Variants in MYO9A observed in about 807,000 individuals in gnomAD.
MYO9A encodes the protein myosin IXA.
MYO9A carries 103 observed loss-of-function variants against 293.3 expected under a neutral mutation model. The ratio of observed to expected loss-of-function variants is 0.35; its 90% CI spans 0.30 to 0.41. The LOEUF (loss-of-function observed/expected upper bound fraction) is 0.41. Ranked by LOEUF, MYO9A falls within the 10% of genes least tolerant of loss-of-function variation. The pLI is 1.00. For missense variants in MYO9A, 2,685 were observed against 3,033.0 expected, an observed-to-expected ratio of 0.89 and a Z score of 2.69; for synonymous variants, 1,001 against 1,035.7, an observed-to-expected ratio of 0.97 and a Z score of 0.64.
At chr15:72,067,100 TATA>T (rs35687563) in intron 1 of MYO9A, among the ~76,000 whole-genome samples, 91,640 of 147,202 alleles carry the variant, frequency 0.62, 30,131 homozygotes, top group Middle Eastern at 0.75. Flanking sequence ...TATTACATAA[TATA>T]ATCTTATATG....
chr15:71,935,975 A>C (rs2058632756), intron 16 of MYO9A, among the ~76,000 whole-genome samples: 3 of 151,860 alleles, frequency 2.0e-5, no homozygotes, highest in Admixed American at 1.3e-4. Flanking sequence ...TGAGACTCTA[A>C]ACATTGCAGA....
intron 1 of MYO9A, among the ~76,000 whole-genome samples, chr15:72,062,043 T>C (rs2078893358): frequency 6.6e-6 from 1 of 152,156 alleles, no homozygotes; most frequent in Non-Finnish European, 1.5e-5. Context: ...GAACAAGAGA[T>C]TCTGCCTGGT....
intron 1 of MYO9A, among the ~76,000 whole-genome samples, chr15:72,103,276 G>GAAGCAGCAGC (rs1226657824): frequency 3.4e-5 from 5 of 148,960 alleles, no homozygotes; most frequent in Non-Finnish European, 6.0e-5. Context: ...GGCAGCAGCA[G>GAAGCAGCAGC]AAGCAGCAGC....
chr15:72,034,856 C>T (rs548430857), intron 2 of MYO9A, among the ~76,000 whole-genome samples: 11 of 152,208 alleles, frequency 7.2e-5, no homozygotes, highest in African/African-American at 2.2e-4. Flanking sequence ...ACAATGTCAA[C>T]AGCAAATCAG....
intron 1 of MYO9A, among the ~76,000 whole-genome samples, chr15:72,098,185 G>A (rs967373619): frequency 4.0e-5 from 6 of 151,718 alleles, no homozygotes; most frequent in African/African-American, 1.5e-4. Flanking sequence ...CCAGAATGCA[G>A]AAACAAGGCT....
chr15:72,066,994 T>G (rs530886653), intron 1 of MYO9A, among the ~76,000 whole-genome samples: 1 of 150,176 alleles, frequency 6.7e-6, no homozygotes, highest in Non-Finnish European at 1.5e-5. Flanking sequence ...AATGTATTAT[T>G]ATACTGCAAT....
intron 17 of MYO9A, chr15:71,935,127 G>C: frequency 2.2e-6 from 1 of 456,616 alleles, no homozygotes; most frequent in Non-Finnish European, 3.8e-6. Flanking sequence ...TGGTAATATG[G>C]GGGAGAAAAA....
At chr15:71,852,410 C>A (rs2055691383) in intron 35 of MYO9A, 150 bp from the exon 36 acceptor site, 1 of 713,992 alleles carries the variant, frequency 1.4e-6, no homozygotes. Flanking sequence ...GTTGGCCAGG[C>A]TGGAGTGCAA....
chr15:71,905,800 T>G (rs893078130), intron 19 of MYO9A, among the ~76,000 whole-genome samples: 5 of 150,700 alleles, frequency 3.3e-5, no homozygotes, highest in African/African-American at 9.7e-5. Flanking sequence ...TTGGATCTGC[T>G]TAAAGAACCA....
intron 15 of MYO9A, among the ~76,000 whole-genome samples, chr15:71,951,102 C>T (rs143367582): frequency 6.6e-6 from 1 of 152,294 alleles, no homozygotes; most frequent in African/African-American, 2.4e-5. Context: ...CACCATGATT[C>T]TGTTATTATT....
At chr15:71,971,603 GAA>G (rs10709554) in intron 12 of MYO9A, among the ~76,000 whole-genome samples, 31 of 141,612 alleles carry the variant, frequency 2.2e-4, no homozygotes, top group African/African-American at 3.7e-4. Context: ...GAAAAAAAAA[GAA>G]AAAAAAAAAA....
chr15:71,907,826 T>C (rs1469755101), intron 19 of MYO9A, among the ~76,000 whole-genome samples: 3 of 152,234 alleles, frequency 2.0e-5, no homozygotes, highest in Non-Finnish European at 4.4e-5. Flanking sequence ...TTGAGTTCAT[T>C]GTAGATTCTG....
In MYO9A at chr15:72,030,212, A is replaced by G. The variant is rs910019256; in HGVS notation, c.935+2282T>C. On this transcript the variant is annotated intron_variant, in intron 3 of 41. Coordinates refer to ENST00000356056, the MANE Select transcript of MYO9A (RefSeq NM_006901.4). ...CAGGCTCTTACCTGTCTAAAATGGG[A>G]GAAAGGAAATTAACATGAATATGTT... Among the ~76,000 whole-genome samples the G allele has an allele frequency of 1.3e-5, 2 of 152,240 alleles. 1 individual carries two copies. Among genetic ancestry groups the G allele is most frequent in the Admixed American group, 1.3e-4 (2 of 15,288 alleles).
intron 3 of MYO9A, among the ~76,000 whole-genome samples, chr15:72,028,094 G>A (rs2077730144): frequency 6.6e-6 from 1 of 151,474 alleles, no homozygotes; most frequent in Non-Finnish European, 1.5e-5. Flanking sequence ...TTACTCGGGA[G>A]GCTGAGGCAG....
At chr15:72,099,909 CAAAAAAAAA>C (rs34892673) in intron 1 of MYO9A, among the ~76,000 whole-genome samples, 2 of 39,818 alleles carry the variant, frequency 5.0e-5, no homozygotes, top group Non-Finnish European at 7.9e-5. Context: ...GACTTGGTCT[CAAAAAAAAA>C]AAAAAAAAAA....
intron 2 of MYO9A, among the ~76,000 whole-genome samples, chr15:72,039,321 G>A (rs776194392): frequency 3.3e-5 from 5 of 151,942 alleles, no homozygotes; most frequent in Admixed American, 6.6e-5. Context: ...TTGAAGTTCC[G>A]TTTGTACTTA....
At chr15:72,017,630 A>G (rs557704276) in intron 6 of MYO9A, among the ~76,000 whole-genome samples, 1 of 152,332 alleles carries the variant, frequency 6.6e-6, no homozygotes, top group Admixed American at 6.5e-5. Flanking sequence ...ATAGTAATAC[A>G]ATTAAAATTT....
At chr15:71,908,122 T>C (rs1419301581) in intron 19 of MYO9A, among the ~76,000 whole-genome samples, 3 of 152,252 alleles carry the variant, frequency 2.0e-5, no homozygotes, top group African/African-American at 7.2e-5. Context: ...GATTTTTGTA[T>C]AAGGTGTAAG....
At position 72,050,211 on chromosome 15, in the gene MYO9A, C is replaced by A. The variant is rs1005163255; in HGVS notation, c.-71-3577G>T. On this transcript the variant is annotated intron_variant, in intron 1 of 41. Transcript: ENST00000356056. The stretch of plus-strand genomic sequence containing the variant: ...TTGTCTCAAAATACCACTCAGAAAT[C>A]CATCTTGATCACAAGCCAGTCCTTA... 1.6e-4 allele frequency among the ~76,000 whole-genome samples: 24 copies of A among 151,734 alleles called. No homozygotes were observed. The Middle Eastern group carries it at 0.01, about 65-fold the overall frequency.
Sources: gnomAD v4.1 joint callset for allele counts (sites outside exome capture counted in the v4.1 genomes callset) on GRCh38, gnomAD v4.1.1 for gene constraint, MANE v1.5 for transcripts, NCBI Gene and HGNC (gene_info 2026-07-23, HGNC 2026-07-21) for gene names.